The following RPH3A variants were observed in gnomAD, a reference collection of about 807,000 sequenced individuals.
The protein encoded by RPH3A is rabphilin 3A.
In RPH3A, 48 loss-of-function variants were observed where a neutral mutation model predicts 102.2. The observed-to-expected ratio is 0.47, with a 90% CI of 0.37 to 0.60. The LOEUF (loss-of-function observed/expected upper bound fraction) is 0.60, where lower values mean the gene tolerates loss of function less well. RPH3A is among the 20% of genes least tolerant of loss of function. The pLI is 0.00. For missense variants in RPH3A, 781 were observed against 910.1 expected, an observed-to-expected ratio of 0.86 and a Z score of 1.83; for synonymous variants, 310 against 324.3, an observed-to-expected ratio of 0.96 and a Z score of 0.47.
At chr12:112,780,967 A>G (rs2136078121) in intron 1 of RPH3A, among the ~76,000 whole-genome samples, 1 of 152,222 alleles carries the variant, frequency 6.6e-6, no homozygotes, top group South Asian at 2.1e-4. Flanking sequence ...CAGCCTGGCC[A>G]ACATGGTGAA....
intron 1 of RPH3A, among the ~76,000 whole-genome samples, chr12:112,684,998 T>A (rs2136018488): frequency 6.6e-6 from 1 of 152,330 alleles, no homozygotes. Context: ...TAGGCTGTAG[T>A]GAAGTGGCAT....
At chr12:112,595,798 G>T (rs780198327) in intron 1 of RPH3A, among the ~76,000 whole-genome samples, 77 of 152,102 alleles carry the variant, frequency 5.1e-4, no homozygotes, top group Non-Finnish European at 9.4e-4. Context: ...GCCAATTTTG[G>T]GTAGAGTATT....
intron 1 of RPH3A, among the ~76,000 whole-genome samples, chr12:112,699,534 G>T (rs756524558): frequency 6.6e-6 from 1 of 152,176 alleles, no homozygotes; most frequent in African/African-American, 2.4e-5. Context: ...AGACAGAAAA[G>T]GGTACAATTC....
chr12:112,823,490 T>C (rs1490383690), intron 2 of RPH3A, among the ~76,000 whole-genome samples: 5 of 152,300 alleles, frequency 3.3e-5, no homozygotes, highest in Non-Finnish European at 4.4e-5. Flanking sequence ...CATCATCCTA[T>C]ACCCGATAAG....
chr12:112,842,995 T>G (rs1403908572), intron 4 of RPH3A, among the ~76,000 whole-genome samples: 1 of 150,812 alleles, frequency 6.6e-6, no homozygotes, highest in Non-Finnish European at 1.5e-5. Flanking sequence ...GGGCTCAAAT[T>G]GGCACATAGT....
intron 1 of RPH3A, among the ~76,000 whole-genome samples, chr12:112,647,113 T>C (rs2039937099): frequency 6.6e-6 from 1 of 152,214 alleles, no homozygotes; most frequent in Non-Finnish European, 1.5e-5. Flanking sequence ...TTTTCTGGAT[T>C]GAAGACCCAC....
chr12:112,800,468 C>A (rs560963834), intron 2 of RPH3A, among the ~76,000 whole-genome samples: 1 of 152,156 alleles, frequency 6.6e-6, no homozygotes, highest in African/African-American at 2.4e-5. Flanking sequence ...CCCAGGGTAG[C>A]CAAGGAGTCT....
chr12:112,766,400 A>G (rs1048231434), intron 1 of RPH3A, among the ~76,000 whole-genome samples: 19 of 152,246 alleles, frequency 1.2e-4, no homozygotes, highest in African/African-American at 4.6e-4. Context: ...ATGACTCTCC[A>G]GCTCACCTCA....
intron 1 of RPH3A, among the ~76,000 whole-genome samples, chr12:112,716,329 G>A (rs1487301916): frequency 6.6e-6 from 1 of 152,228 alleles, no homozygotes. Flanking sequence ...CTCTGACGAT[G>A]GGGTACTCAC....
chr12:112,754,353 G>A (rs1391277681), intron 1 of RPH3A, among the ~76,000 whole-genome samples: 2 of 104,782 alleles, frequency 1.9e-5, no homozygotes, highest in African/African-American at 6.7e-5. Flanking sequence ...TATAATAGGT[G>A]CCAAGCAAAT....
intron 1 of RPH3A, among the ~76,000 whole-genome samples, chr12:112,620,740 T>C (rs930172310): frequency 6.6e-6 from 1 of 152,196 alleles, no homozygotes; most frequent in Non-Finnish European, 1.5e-5. Context: ...TTCCGTGGTC[T>C]TGCCACTGCC....
intron 1 of RPH3A, among the ~76,000 whole-genome samples, chr12:112,772,285 A>C (rs1592990504): frequency 6.8e-6 from 1 of 147,982 alleles, no homozygotes. Flanking sequence ...TGAGTTGCTG[A>C]TGACATTATT....
intron 1 of RPH3A, among the ~76,000 whole-genome samples, chr12:112,764,148 G>A (rs189682588): frequency 6.6e-6 from 1 of 152,302 alleles, no homozygotes; most frequent in Admixed American, 6.5e-5. Flanking sequence ...ACTGGCATGA[G>A]GCAGATTAAC....
intron 17 of RPH3A, among the ~76,000 whole-genome samples, chr12:112,889,801 C>G (rs2043061266): frequency 6.6e-6 from 1 of 152,182 alleles, no homozygotes; most frequent in African/African-American, 2.4e-5. Context: ...GGAATTGTAA[C>G]AGAACCTATA....
intron 5 of RPH3A, among the ~76,000 whole-genome samples, chr12:112,857,400 G>T (rs1022861555): frequency 2.6e-5 from 4 of 152,168 alleles, no homozygotes; most frequent in African/African-American, 9.7e-5. Flanking sequence ...ATCTTGAGAT[G>T]GGGAGATTAT....
chr12:112,684,353 G>C (rs916927945), intron 1 of RPH3A, among the ~76,000 whole-genome samples: 18 of 152,056 alleles, frequency 1.2e-4, no homozygotes, highest in Admixed American at 3.9e-4. Context: ...CTGCCTCCTG[G>C]GTTCAGGCGA....
chr12:112,631,214 C>G (rs2039801695), intron 1 of RPH3A, among the ~76,000 whole-genome samples: 1 of 152,022 alleles, frequency 6.6e-6, no homozygotes, highest in Non-Finnish European at 1.5e-5. Flanking sequence ...CTACAGGGTC[C>G]CTAAGAGAAT....
chr12:112,697,001 A>G lies in RPH3A; in HGVS notation c.-139-95142A>G, dbSNP rs142502648. Among the ~76,000 whole-genome samples the G allele has an allele frequency of 3.4e-3, 522 of 152,146 alleles. 4 individuals carry two copies. The highest frequency in any genetic ancestry group is 0.02 in the Middle Eastern group (6 of 294). ...TTAAGATTTTTAAAAAGCATACATG[A>G]GGGCACCTAAGAAAAATCTACAAGT... On this transcript the variant is annotated intron_variant, in intron 1 of 21. Transcript: ENST00000543106.
intron 1 of RPH3A, among the ~76,000 whole-genome samples, chr12:112,694,626 A>G (rs544264454): frequency 7.3e-6 from 1 of 137,374 alleles, no homozygotes; most frequent in Non-Finnish European, 1.5e-5. Context: ...AGACAAAGAC[A>G]CACGCACGCG....
Sources: gnomAD v4.1 joint callset for allele counts (sites outside exome capture counted in the v4.1 genomes callset) on GRCh38, gnomAD v4.1.1 for gene constraint, MANE v1.5 for transcripts, NCBI Gene and HGNC (gene_info 2026-07-23, HGNC 2026-07-21) for gene names.